TGIF1: variants seen among roughly 807,000 people sequenced by gnomAD.
The protein encoded by TGIF1 is homeobox protein TGIF1.
Under a neutral mutation model 19.3 loss-of-function variants are expected in TGIF1, and 4 were observed. The observed-to-expected ratio is 0.21, with a 90% CI of 0.10 to 0.47. The LOEUF is 0.47. Among genes scored for constraint, TGIF1 ranks in the 20% least tolerant of loss-of-function variants. TGIF1 has a pLI of 0.98. For synonymous variants in TGIF1, 122 were observed against 129.3 expected (o/e 0.94, Z 0.38); for missense variants, 275 against 341.4 (o/e 0.81, Z 1.53).
intron 2 of TGIF1, among the ~76,000 whole-genome samples, chr18:3,427,133 G>A (rs535239156): frequency 5.9e-5 from 9 of 151,776 alleles, no homozygotes; most frequent in Non-Finnish European, 7.4e-5. Context: ...TAGTACAGAC[G>A]GGGTTTCACC....
At chr18:3,438,642 T>G (rs1249910515) in intron 2 of TGIF1, among the ~76,000 whole-genome samples, 3 of 72,256 alleles carry the variant, frequency 4.2e-5, no homozygotes, top group African/African-American at 1.1e-4. Flanking sequence ...AAGGAAATCA[T>G]TAGCCATTAC....
chr18:3,452,157 CT>C (rs750230453), intron 1 of TGIF1: 5 of 1,613,892 alleles, frequency 3.1e-6, no homozygotes, highest in Non-Finnish European at 4.2e-6. Flanking sequence ...TTTGGCCTAC[CT>C]TCCCCCAGCG....
chr18:3,451,513 A>C lies in TGIF1; in HGVS notation c.16+1008A>C, dbSNP rs915750283. On this transcript the variant is annotated intron_variant, in intron 1 of 2. Transcript: ENST00000343820. This position sits in a 1 kb window ranked among gnomAD's most constrained non-coding sequence, Gnocchi z 5.4. ...TGATTTATGTGGAGTGGTTCAAAAC[A>C]GAAGTTAATCACTCGGGAAGCGGAC... 2.0e-6 allele frequency: 2 copies of C among 995,676 alleles called. No homozygotes were observed. The highest frequency in any genetic ancestry group is 3.5e-5 in the African/African-American group (2 of 57,686). 61.7% of individuals were successfully genotyped at this position (995,676 alleles called of 1,614,324 possible).
intron 2 of TGIF1, chr18:3,418,276 C>T (rs1419936999): frequency 6.6e-6 from 1 of 152,120 alleles, no homozygotes; most frequent in Non-Finnish European, 1.5e-5. Flanking sequence ...TTTCACTCAC[C>T]ATTGGCTTGA....
At chr18:3,429,392 G>T (rs1053445284) in intron 2 of TGIF1, among the ~76,000 whole-genome samples, 1 of 151,982 alleles carries the variant, frequency 6.6e-6, no homozygotes, top group African/African-American at 2.4e-5. Context: ...GCAAACTACT[G>T]CTAGTTGGAC....
chr18:3,443,936 CTTT>C (rs953476419), intron 2 of TGIF1, among the ~76,000 whole-genome samples: 10 of 137,458 alleles, frequency 7.3e-5, no homozygotes, highest in Admixed American at 2.2e-4. Context: ...TGTATTCTTT[CTTT>C]TTTTTTTTTT....
intron 2 of TGIF1, among the ~76,000 whole-genome samples, chr18:3,428,862 T>C (rs1248561682): frequency 6.6e-6 from 1 of 151,970 alleles, no homozygotes; most frequent in African/African-American, 2.4e-5. Context: ...GGCAACACGG[T>C]GAAACCCTGT....
At chr18:3,437,129 A>AAATAT (rs2143217867) in intron 2 of TGIF1, among the ~76,000 whole-genome samples, 1 of 152,130 alleles carries the variant, frequency 6.6e-6, no homozygotes, top group African/African-American at 2.4e-5. Flanking sequence ...TAATAAAATA[A>AAATAT]AATAAACCCT....
At chr18:3,453,959 C>G (rs1325229362) in intron 1 of TGIF1, 1 of 467,616 alleles carries the variant, frequency 2.1e-6, no homozygotes. Context: ...CTTTGTTTTT[C>G]CAAGCTGAGC....
rs777442197 is a variant in TGIF1, at chr18:3,450,487, A to C, written c.-3A>C. On this transcript the variant is annotated 5_prime_UTR_variant, in exon 1 of 3. Transcript: ENST00000343820. The stretch of plus-strand genomic sequence containing the variant: ...TGCCTCGCGCTGGGAGGGGAGATCC[A>C]GAATGAAAGGCAAGAAAGGTAAGGC... 8 of 1,561,924 alleles carry C rather than the reference A, an allele frequency of 5.1e-6. No homozygotes were observed. Among genetic ancestry groups the C allele is most frequent in the Non-Finnish European group, 6.1e-6 (7 of 1,153,294 alleles).
intron 1 of TGIF1, chr18:3,453,972 C>T: frequency 2.8e-6 from 1 of 360,050 alleles, no homozygotes; most frequent in Non-Finnish European, 3.9e-6. Context: ...AGCTGAGCCA[C>T]AACTAGGAGG....
At chr18:3,452,397 G>A in intron 1 of TGIF1, 1 of 1,613,168 alleles carries the variant, frequency 6.2e-7, no homozygotes, top group Non-Finnish European at 8.5e-7. Flanking sequence ...CGGGCTGAAG[G>A]GGAAACTTTG....
intron 2 of TGIF1, among the ~76,000 whole-genome samples, chr18:3,433,690 G>T (rs936502670): frequency 6.6e-6 from 1 of 152,152 alleles, no homozygotes; most frequent in Non-Finnish European, 1.5e-5. Context: ...TTTTATTTTA[G>T]AGACAGGGTC....
At chr18:3,415,438 G>T in intron 1 of TGIF1, 1 of 496,288 alleles carries the variant, frequency 2.0e-6, no homozygotes, top group South Asian at 1.4e-5. Context: ...TCAGGCAGAG[G>T]ATCCAAAATT....
chr18:3,447,704 T>C (rs774213376), upstream of TGIF1: 14 of 1,613,692 alleles, frequency 8.7e-6, no homozygotes, highest in Non-Finnish European at 1.1e-5. Context: ...GTGTTTCTCT[T>C]TGGAGTGCCT....
chr18:3,448,201 A>C (rs1038448983), upstream of TGIF1: 1 of 985,188 alleles, frequency 1.0e-6, no homozygotes. Flanking sequence ...GCCCGGTTCC[A>C]GACGAGGCTC....
chr18:3,433,546 A>G (rs1041953281), intron 2 of TGIF1, among the ~76,000 whole-genome samples: 1 of 152,260 alleles, frequency 6.6e-6, no homozygotes, highest in Non-Finnish European at 1.5e-5. Context: ...TGAAAAACCT[A>G]GAATAGTCAA....
chr18:3,454,886 G>A (rs2083116071), intron 1 of TGIF1, among the ~76,000 whole-genome samples: 1 of 152,154 alleles, frequency 6.6e-6, no homozygotes, highest in South Asian at 2.1e-4. Flanking sequence ...GCCCCCTGCA[G>A]TCCAAAACTA....
At chr18:3,421,757 A>ATT (rs1233973107) in intron 2 of TGIF1, among the ~76,000 whole-genome samples, 1 of 64,010 alleles carries the variant, frequency 1.6e-5, no homozygotes, top group Non-Finnish European at 3.8e-5. Context: ...CTTTCTGTTT[A>ATT]ATAAAAAAAT....
Sources: gnomAD v4.1 joint callset for allele counts (sites outside exome capture counted in the v4.1 genomes callset) on GRCh38, gnomAD v4.1.1 for gene constraint, Gnocchi (gnomAD v3.1) non-coding constraint, MANE v1.5 for transcripts, NCBI Gene and HGNC (gene_info 2026-07-23, HGNC 2026-07-21) for gene names.